Variants in KAT6A observed in about 807,000 individuals in gnomAD.
KAT6A encodes the protein histone acetyltransferase KAT6A.
KAT6A carries 9 observed loss-of-function variants against 198.4 expected under a neutral mutation model. That is an observed-to-expected ratio of 0.05 (90% confidence interval 0.03 to 0.08). The LOEUF is 0.08. Ranked by LOEUF, KAT6A falls within the 10% of genes least tolerant of loss-of-function variation. The pLI is 1.00. For synonymous variants in KAT6A, 890 were observed against 883.0 expected, an observed-to-expected ratio of 1.01 and a Z score of -0.14; for missense variants, 2,077 against 2,509.9, an observed-to-expected ratio of 0.83 and a Z score of 3.69.
At position 41,931,803 on chromosome 8, in the gene KAT6A, A is replaced by G. The variant is rs1821557381; in HGVS notation, c.*402T>C. On this transcript the variant is annotated 3_prime_UTR_variant, in exon 17 of 17. Transcript: ENST00000265713. ...CCCTTGAGATGTATATAACATTTAA[A>G]AATGACAACATTGGGAGCTGCAAAC... 2 of 214,600 alleles carry G rather than the reference A, an allele frequency of 9.3e-6. No individual in the cohort carries two copies. The highest frequency in any genetic ancestry group is 1.9e-5 in the Non-Finnish European group (2 of 106,216). 13.3% of individuals were successfully genotyped at this position (214,600 alleles called of 1,614,324 possible). A position where few individuals can be genotyped will look rare whatever the true frequency, so the allele number is the denominator to read the frequency against.
In KAT6A at chr8:41,932,087, T is replaced by G; in HGVS notation, c.*118A>C. 1 of 980,614 alleles carries G rather than the reference T, an allele frequency of 1.0e-6. No individual in the cohort carries two copies. Among genetic ancestry groups the G allele is most frequent in the Non-Finnish European group, 1.3e-6 (1 of 743,706 alleles). 60.7% of individuals were successfully genotyped at this position (980,614 alleles called of 1,614,324 possible). The stretch of plus-strand genomic sequence containing the variant: ...AAAATAAAATAAACCAAAGAAAAAT[T>G]CCTCTAAATCTACAGCAATATTTTA... On this transcript the variant is annotated 3_prime_UTR_variant, in exon 17 of 17. Transcript: ENST00000265713.
chr8:42,049,571 C>T (rs1192591152), intron 1 of KAT6A: 1 of 153,888 alleles, frequency 6.5e-6, no homozygotes. Flanking sequence ...TAAGCTACCA[C>T]TAACCAGAGT....
chr8:41,932,766 G>T lies in KAT6A; in HGVS notation c.5454C>A (p.Ser1818=). The T allele has an allele frequency of 6.2e-7, 1 of 1,614,240 alleles. No individual in the cohort carries two copies. The stretch of plus-strand genomic sequence containing the variant: ...GAGGAGATGTGAGGTTCATGGTAGT[G>T]GATGCCAAGTTTGGGGGTGGCGTCA... The part of the protein sequence containing the change: ...ATMTPPPNLA[S]TTMNLTSPLL... The change falls in exon 17 of 17, where the codon TCC becomes TCA. Residue 1818 remains serine (S), a synonymous_variant. Transcript: ENST00000265713.
At chr8:41,935,623 A>G (rs1821810160) in intron 16 of KAT6A, among the ~76,000 whole-genome samples, 1 of 152,182 alleles carries the variant, frequency 6.6e-6, no homozygotes, top group African/African-American at 2.4e-5. Flanking sequence ...ATAAGTGTTA[A>G]GTTCAGTGGC....
intron 2 of KAT6A, among the ~76,000 whole-genome samples, chr8:42,034,197 T>TG (rs1348788671): frequency 5.3e-5 from 8 of 152,222 alleles, no homozygotes; most frequent in African/African-American, 1.9e-4. Flanking sequence ...GGGAGACTGA[T>TG]GCAGTACAAT....
intron 2 of KAT6A, among the ~76,000 whole-genome samples, chr8:42,026,409 G>T (rs1253231576): frequency 2.0e-5 from 3 of 152,102 alleles, no homozygotes; most frequent in Non-Finnish European, 4.4e-5. Context: ...ATGAACAGGG[G>T]ATGTCTTCCC....
intron 2 of KAT6A, among the ~76,000 whole-genome samples, chr8:42,025,938 T>C (rs1441632083): frequency 6.6e-6 from 1 of 152,242 alleles, no homozygotes; most frequent in Non-Finnish European, 1.5e-5. Context: ...TAATCCATTC[T>C]GAGCTGACTT....
chr8:41,950,450 G>A lies in KAT6A; in HGVS notation c.1599-1087C>T, dbSNP rs1010533549. 2.0e-5 allele frequency among the ~76,000 whole-genome samples: 3 copies of A among 152,076 alleles called. 1 individual carries two copies. The highest frequency in any genetic ancestry group is 4.2e-4 in the South Asian group (2 of 4,816). On this transcript the variant is annotated intron_variant, in intron 9 of 16. Transcript: ENST00000265713. Reference sequence around the variant, plus strand: ...ATGAGTCTCCTTATGTAGATACAACGGGTGGCACCTCCCTCCCTAACTGTT... The same window carrying A: ...ATGAGTCTCCTTATGTAGATACAACAGGTGGCACCTCCCTCCCTAACTGTT...
rs376411038 is a variant in KAT6A at position 41,940,966 on chromosome 8, C to A, written c.2915G>T (p.Arg972Leu). 6.2e-7 allele frequency: 1 copy of A among 1,614,076 alleles called. No individual in the cohort carries two copies. Reference sequence around the variant, plus strand: ...GACAGCCCTGTCACCCTCACTGTAGCGACGGGGCAGCCTCTCACTTCCTTC... The same window carrying A: ...GACAGCCCTGTCACCCTCACTGTAGAGACGGGGCAGCCTCTCACTTCCTTC... ...LTEGSERLPR[R>L]YSEGDRAVLR... The change falls in exon 15 of 17, where the codon CGC (arginine) becomes CTC (leucine). Residue 972 changes from arginine (R) to leucine (L), a missense_variant. Physicochemically the swap from Arg to Leu is moderately radical, Grantham distance 102 (BLOSUM62 -2). Coordinates refer to ENST00000265713, the MANE Select transcript of KAT6A (RefSeq NM_006766.5).
Position 41,932,931 on chromosome 8 carries a change from A to G in KAT6A, c.5289T>C (p.Ile1763=), listed in dbSNP as rs1158297622. ...TATAAGGCATGGCATGAGGGTCCATAATGGTGTTGGTCAGCTGCTGCAGCT... is the reference window on the plus strand; with the variant it reads ...TATAAGGCATGGCATGAGGGTCCATGATGGTGTTGGTCAGCTGCTGCAGCT... The part of the protein sequence containing the change: ...LAKLQQLTNT[I]MDPHAMPYSH... The change falls in exon 17 of 17, where the codon ATT becomes ATC. Residue 1763 remains isoleucine, a synonymous_variant. Transcript: ENST00000265713. The G allele has an allele frequency of 6.2e-7, 1 of 1,614,072 alleles. No homozygotes were observed. The highest frequency in any genetic ancestry group is 1.3e-5 in the African/African-American group (1 of 75,004).
intron 2 of KAT6A, among the ~76,000 whole-genome samples, chr8:41,989,100 A>G (rs779482304): frequency 8.5e-5 from 13 of 152,198 alleles, no homozygotes; most frequent in Non-Finnish European, 1.3e-4. Flanking sequence ...AAGTTTTTCC[A>G]GAAGTATTTA....
intron 2 of KAT6A, among the ~76,000 whole-genome samples, chr8:41,990,039 T>G (rs1824850998): frequency 6.6e-6 from 1 of 150,426 alleles, no homozygotes; most frequent in African/African-American, 2.5e-5. Flanking sequence ...TATCCAGCAG[T>G]AAAAATCTGG....
intron 2 of KAT6A, among the ~76,000 whole-genome samples, chr8:42,005,238 C>T (rs1587813732): frequency 6.6e-6 from 1 of 152,194 alleles, no homozygotes; most frequent in African/African-American, 2.4e-5. Context: ...TTCTTTTCTA[C>T]ACTACCCTAA....
rs1439542142 is a variant in KAT6A, at chr8:41,931,577, TGA to T, written c.*626_*627del. ...AAGGGTTTCAAGAGGTGTGTGTGTG[TGA>T]GGAGTGGAGGGGATTTTAAAAGGAG... On this transcript the variant is annotated 3_prime_UTR_variant, in exon 17 of 17. Coordinates refer to ENST00000265713, the MANE Select transcript of KAT6A (RefSeq NM_006766.5). The T allele has an allele frequency of 9.9e-6, 2 of 202,956 alleles. No individual in the cohort carries two copies. The allele number at this position is 202,956 out of a possible 1,614,324, so 12.6% of individuals were successfully genotyped here.
intron 14 of KAT6A, 131 bp from the exon 15 acceptor site, chr8:41,941,575 T>C (rs1822138378): frequency 3.4e-6 from 3 of 887,238 alleles, no homozygotes; most frequent in Middle Eastern, 3.6e-4. Flanking sequence ...ATCAGTTATT[T>C]AACATGGATA....
chr8:42,016,733 T>C (rs144567915), intron 2 of KAT6A, among the ~76,000 whole-genome samples: 2,924 of 152,250 alleles, frequency 0.019, 38 homozygotes, highest in Non-Finnish European at 0.03. Flanking sequence ...AGAAGAAATT[T>C]TTCTCCAAGG....
chr8:41,936,480 C>A (rs888315690), intron 16 of KAT6A, among the ~76,000 whole-genome samples: 5 of 152,130 alleles, frequency 3.3e-5, no homozygotes, highest in Non-Finnish European at 7.3e-5. Flanking sequence ...TCATTCTGAG[C>A]CCATGCGAGA....
intron 16 of KAT6A, among the ~76,000 whole-genome samples, chr8:41,935,925 T>C (rs1485892114): frequency 6.6e-6 from 1 of 152,250 alleles, no homozygotes; most frequent in Non-Finnish European, 1.5e-5. Context: ...TGTAGAATCA[T>C]TCATGATAGA....
chr8:41,994,039 AACT>A (rs796835399), intron 2 of KAT6A, among the ~76,000 whole-genome samples: 117 of 151,660 alleles, frequency 7.7e-4, no homozygotes, highest in African/African-American at 2.8e-3. Flanking sequence ...CAAAGACAAA[AACT>A]ACTGATAATC....
Sources: gnomAD v4.1 joint callset for allele counts (sites outside exome capture counted in the v4.1 genomes callset) on GRCh38, gnomAD v4.1.1 for gene constraint, MANE v1.5 for transcripts, NCBI Gene and HGNC (gene_info 2026-07-23, HGNC 2026-07-21) for gene names.